SEPTIN14: variants seen among roughly 807,000 people sequenced by gnomAD.
The protein encoded by SEPTIN14 is septin 14.
SEPTIN14 carries 40 observed loss-of-function variants against 53.6 expected under a neutral mutation model. The observed-to-expected ratio is 0.75, with a 90% CI of 0.58 to 0.97. SEPTIN14 has a LOEUF of 0.97. Among genes scored for constraint, SEPTIN14 ranks in the 50% least tolerant of loss-of-function variants. The pLI is 0.00. For synonymous variants in SEPTIN14, 138 were observed against 166.8 expected (o/e 0.83, Z 1.33); for missense variants, 471 against 508.2 (o/e 0.93, Z 0.70).
intron 5 of SEPTIN14, among the ~76,000 whole-genome samples, chr7:55,834,978 C>T (rs1361260139): frequency 6.6e-6 from 1 of 152,136 alleles, no homozygotes; most frequent in African/African-American, 2.4e-5. Flanking sequence ...CCTTCACAAT[C>T]TCTGACAACA....
intron 6 of SEPTIN14, among the ~76,000 whole-genome samples, chr7:55,828,280 G>A (rs1286131694): frequency 6.7e-6 from 1 of 149,402 alleles, no homozygotes; most frequent in Non-Finnish European, 1.5e-5. Flanking sequence ...ACACTGAAGG[G>A]TTGGGTTACA....
At chr7:55,835,229 C>G (rs2116033729) in intron 5 of SEPTIN14, among the ~76,000 whole-genome samples, 1 of 151,282 alleles carries the variant, frequency 6.6e-6, no homozygotes, top group African/African-American at 2.4e-5. Context: ...CAGACAGAGT[C>G]TGGCTCTGTT....
intron 9 of SEPTIN14, among the ~76,000 whole-genome samples, chr7:55,797,311 G>A (rs550080869): frequency 5.9e-5 from 9 of 152,254 alleles, no homozygotes; most frequent in African/African-American, 2.2e-4. Flanking sequence ...GAAGCTTAAA[G>A]ATTCCTAAAG....
intron 5 of SEPTIN14, among the ~76,000 whole-genome samples, chr7:55,836,232 A>G (rs1789202665): frequency 6.6e-6 from 1 of 152,226 alleles, no homozygotes. Context: ...GTGCTTCAAT[A>G]TGAGCACTCC....
At chr7:55,842,484 T>C (rs1455509725) in intron 5 of SEPTIN14, among the ~76,000 whole-genome samples, 1 of 151,746 alleles carries the variant, frequency 6.6e-6, no homozygotes, top group Non-Finnish European at 1.5e-5. Flanking sequence ...CACACTCCTG[T>C]CCCAGTTGCT....
chr7:55,835,973 C>T (rs1303258772), intron 5 of SEPTIN14, among the ~76,000 whole-genome samples: 3 of 152,068 alleles, frequency 2.0e-5, no homozygotes, highest in Non-Finnish European at 4.4e-5. Flanking sequence ...GAACTCCTGA[C>T]CTCAGGATAC....
At chr7:55,830,887 A>G (rs1789098533) in intron 6 of SEPTIN14, among the ~76,000 whole-genome samples, 1 of 152,178 alleles carries the variant, frequency 6.6e-6, no homozygotes, top group Non-Finnish European at 1.5e-5. Context: ...TTTTGCCACA[A>G]GTATAATGAA....
intron 7 of SEPTIN14, among the ~76,000 whole-genome samples, chr7:55,816,841 G>A (rs1220217278): frequency 6.6e-6 from 1 of 151,944 alleles, no homozygotes; most frequent in African/African-American, 2.4e-5. Flanking sequence ...CTTCACCCAT[G>A]CTAAAATGGC....
chr7:55,836,955 C>A (rs1158171342), intron 5 of SEPTIN14, among the ~76,000 whole-genome samples: 1 of 152,098 alleles, frequency 6.6e-6, no homozygotes, highest in Non-Finnish European at 1.5e-5. Flanking sequence ...AGAACTTTTT[C>A]TCTCTTCAAC....
intron 6 of SEPTIN14, among the ~76,000 whole-genome samples, chr7:55,825,560 GA>G (rs1788968040): frequency 6.6e-6 from 1 of 152,130 alleles, no homozygotes; most frequent in South Asian, 2.1e-4. Flanking sequence ...CTTAATGCAG[GA>G]TGTTAATAAT....
intron 7 of SEPTIN14, chr7:55,811,496 C>CTTTTT (rs1170803437): frequency 2.6e-4 from 47 of 181,074 alleles, no homozygotes; most frequent in Middle Eastern, 2.4e-3. Context: ...TTTTACAGTT[C>CTTTTT]TTTTTTTTTT....
At chr7:55,853,421 G>T (rs914903997) in intron 2 of SEPTIN14, among the ~76,000 whole-genome samples, 2 of 152,190 alleles carry the variant, frequency 1.3e-5, no homozygotes, top group Non-Finnish European at 2.9e-5. Context: ...AAATAAGCAA[G>T]TCATGGAAAG....
chr7:55,843,770 T>A (rs1789355780), intron 4 of SEPTIN14, among the ~76,000 whole-genome samples: 1 of 152,106 alleles, frequency 6.6e-6, no homozygotes, highest in African/African-American at 2.4e-5. Flanking sequence ...AGACAAAGCT[T>A]ACAGTGAGCC....
chr7:55,796,186 T>C (rs770643386), intron 9 of SEPTIN14, 94 bp from the exon 10 acceptor site: 2 of 772,050 alleles, frequency 2.6e-6, no homozygotes, highest in Non-Finnish European at 4.4e-6. Flanking sequence ...CAAACCCAAA[T>C]CATCACAGTA....
chr7:55,817,816 A>G (rs1788821434), intron 7 of SEPTIN14, among the ~76,000 whole-genome samples: 1 of 152,306 alleles, frequency 6.6e-6, no homozygotes, highest in South Asian at 2.1e-4. Flanking sequence ...TTAAGTTTTC[A>G]TCACAAAAAT....
chr7:55,862,252 G>T (rs548897514), intron 1 of SEPTIN14, among the ~76,000 whole-genome samples: 3 of 151,976 alleles, frequency 2.0e-5, no homozygotes, highest in Admixed American at 6.6e-5. Context: ...CACACAAAAA[G>T]CATCTTAAAG....
At chr7:55,853,891 G>A (rs1361685480) in intron 2 of SEPTIN14, among the ~76,000 whole-genome samples, 1 of 152,124 alleles carries the variant, frequency 6.6e-6, no homozygotes. Context: ...GAGGCTGGAA[G>A]ATCGCGTGAG....
intron 2 of SEPTIN14, among the ~76,000 whole-genome samples, chr7:55,859,936 T>C (rs1261108284): frequency 6.6e-6 from 1 of 152,180 alleles, no homozygotes; most frequent in Non-Finnish European, 1.5e-5. Flanking sequence ...TCCCAGCACT[T>C]TGGGAGGCTG....
intron 6 of SEPTIN14, among the ~76,000 whole-genome samples, chr7:55,831,101 GC>G (rs1325851245): frequency 6.6e-6 from 1 of 151,902 alleles, no homozygotes; most frequent in Non-Finnish European, 1.5e-5. Context: ...CATTCAAATA[GC>G]CAAAGTACTC....
Sources: gnomAD v4.1 joint callset for allele counts (sites outside exome capture counted in the v4.1 genomes callset) on GRCh38, gnomAD v4.1.1 for gene constraint, MANE v1.5 for transcripts, NCBI Gene and HGNC (gene_info 2026-07-23, HGNC 2026-07-21) for gene names.